The following SH3TC2 variants were observed in gnomAD, a reference collection of about 807,000 sequenced individuals.
SH3TC2 encodes the protein SH3 domain and tetratricopeptide repeats 2, also known as SH3 domain and tetratricopeptide repeat-containing protein 2.
In SH3TC2, 87 loss-of-function variants were observed where a neutral mutation model predicts 124.5. That is an observed-to-expected ratio of 0.70 (90% CI 0.59 to 0.84). The LOEUF (loss-of-function observed/expected upper bound fraction) is 0.84, where lower values mean the gene tolerates loss of function less well. Among genes scored for constraint, SH3TC2 ranks in the 40% least tolerant of loss-of-function variants. The pLI is 0.00. For missense variants in SH3TC2, 1,536 were observed against 1,566.4 expected, an observed-to-expected ratio of 0.98 and a Z score of 0.33; for synonymous variants, 634 against 628.5, an observed-to-expected ratio of 1.01 and a Z score of -0.13.
intron 16 of SH3TC2, chr5:149,006,385 T>C (rs1353370571): frequency 5.6e-6 from 1 of 178,590 alleles, no homozygotes; most frequent in Non-Finnish European, 1.2e-5. Context: ...CTCAAACATG[T>C]TAATATGCAC....
chr5:149,027,234 G>C lies in SH3TC2; in HGVS notation c.2498C>G (p.Thr833Ser), dbSNP rs765560277. The change falls in exon 11 of 17, where the codon ACT becomes AGT. Residue 833 changes from threonine (T) to serine (S), a missense_variant. Transcript: ENST00000515425. ...GAGGTTATAGATGACTCCCCTTTGA[G>C]TGAGACTCTCTGTCTCCTTCAGGGA... ...LCSLKETESL[T>S]QRGVIYNLLG... 6.2e-7 allele frequency: 1 copy of C among 1,614,212 alleles called. No individual in the cohort carries two copies. The highest frequency in any genetic ancestry group is 8.5e-7 in the Non-Finnish European group (1 of 1,180,052).
At chr5:149,043,702 C>T (rs1352900995) in intron 4 of SH3TC2, 3 of 150,092 alleles carry the variant, frequency 2.0e-5, no homozygotes, top group African/African-American at 7.4e-5. Flanking sequence ...GTCTATGGAG[C>T]ACAGTTTGAA....
chr5:149,004,976 T>C (rs1753661713), intron 16 of SH3TC2, 74 bp from the exon 17 acceptor site: 1 of 1,556,932 alleles, frequency 6.4e-7, no homozygotes, highest in Non-Finnish European at 8.8e-7. Context: ...GAGGCTGTGC[T>C]GGCCACTCTA....
At chr5:149,059,296 C>A (rs1483174090) in intron 1 of SH3TC2, among the ~76,000 whole-genome samples, 1 of 152,036 alleles carries the variant, frequency 6.6e-6, no homozygotes, top group Non-Finnish European at 1.5e-5. Context: ...GCCATTTTCT[C>A]TACATTAACC....
Position 148,987,429 on chromosome 5 carries a change from G to T in SH3TC2, c.*17282C>A, listed in dbSNP as rs10035760. Among the ~76,000 whole-genome samples, 271 of 152,360 alleles carry T rather than the reference G, an allele frequency of 1.8e-3. No individual in the cohort carries two copies. Among genetic ancestry groups the T allele is most frequent in the African/African-American group, 6.2e-3 (258 of 41,576 alleles). ...TTGAGTATGTAAGTAAACTTGAGGA[G>T]ATAAGGTGTTGAAACTCTCCCAGGC... is the stretch of plus-strand genomic sequence containing the variant. On this transcript the variant is annotated 3_prime_UTR_variant, in exon 17 of 17. Transcript: ENST00000515425.
intron 8 of SH3TC2, 123 bp from the exon 9 acceptor site, chr5:149,031,810 T>C (rs1754199742): frequency 2.4e-6 from 3 of 1,227,446 alleles, no homozygotes. Context: ...TTCCCGCAAA[T>C]GAAATTAGAT....
rs922131852 is a variant in SH3TC2 at position 148,995,558 on chromosome 5, T to G, written c.*9153A>C. On this transcript the variant is annotated 3_prime_UTR_variant, in exon 17 of 17. Coordinates refer to ENST00000515425, the MANE Select transcript of SH3TC2 (RefSeq NM_024577.4). Reference sequence around the variant, plus strand: ...ATAAACTTTTGCTGAATACCTGCTATATATGTGAGCAGCCCTATCACCTGA... The same window carrying G: ...ATAAACTTTTGCTGAATACCTGCTAGATATGTGAGCAGCCCTATCACCTGA... Among the ~76,000 whole-genome samples the G allele has an allele frequency of 6.6e-6, 1 of 152,230 alleles. No homozygotes were observed. The highest frequency in any genetic ancestry group is 1.5e-5 in the Non-Finnish European group (1 of 68,046).
intron 13 of SH3TC2, among the ~76,000 whole-genome samples, chr5:149,012,297 G>A (rs146617289): frequency 1.9e-3 from 286 of 152,290 alleles, no homozygotes; most frequent in African/African-American, 6.1e-3. Context: ...TATAGTTAAC[G>A]GGACAAGTGA....
rs573762711 is a variant in SH3TC2, at chr5:148,988,550, C to T, written c.*16161G>A. ...GCCACCATGCTGTAAGACGGCCAAG[C>T]CACATGGAGTCGACATGGCTCACGG... On this transcript the variant is annotated 3_prime_UTR_variant, in exon 17 of 17. Coordinates refer to ENST00000515425, the MANE Select transcript of SH3TC2 (RefSeq NM_024577.4). Among the ~76,000 whole-genome samples, 2 of 152,256 alleles carry T rather than the reference C, an allele frequency of 1.3e-5. No individual in the cohort carries two copies. The highest frequency in any genetic ancestry group is 4.1e-4 in the South Asian group (2 of 4,826).
intron 12 of SH3TC2, among the ~76,000 whole-genome samples, chr5:149,020,294 C>T (rs916959827): frequency 1.3e-5 from 2 of 151,824 alleles, no homozygotes; most frequent in African/African-American, 4.8e-5. Context: ...TAATTATTAC[C>T]CCAGGGTAAC....
chr5:149,032,481 T>C (rs1486430971), intron 8 of SH3TC2, among the ~76,000 whole-genome samples: 3 of 152,200 alleles, frequency 2.0e-5, no homozygotes, highest in African/African-American at 7.2e-5. Context: ...TAGTTCTAAA[T>C]AGAGAATGTT....
chr5:148,998,174 T>A lies in SH3TC2; in HGVS notation c.*6537A>T, dbSNP rs1753541561. ...AATGTATGAGTGCATTTCTCTATGTTGTTGCATATGCACAAACATATGCAC... is the reference window on the plus strand; with the variant it reads ...AATGTATGAGTGCATTTCTCTATGTAGTTGCATATGCACAAACATATGCAC... On this transcript the variant is annotated 3_prime_UTR_variant, in exon 17 of 17. Coordinates refer to ENST00000515425, the MANE Select transcript of SH3TC2 (RefSeq NM_024577.4). 6.6e-6 allele frequency among the ~76,000 whole-genome samples: 1 copy of A among 152,348 alleles called. No individual in the cohort carries two copies. Among genetic ancestry groups the A allele is most frequent in the African/African-American group, 2.4e-5 (1 of 41,572 alleles).
In SH3TC2 at chr5:149,004,624, C is replaced by T. The variant is rs1753652933; in HGVS notation, c.*87G>A. 2.1e-6 allele frequency: 3 copies of T among 1,450,856 alleles called. No homozygotes were observed. The highest frequency in any genetic ancestry group is 2.8e-5 in the African/African-American group (2 of 71,216). 89.9% of individuals were successfully genotyped at this position (1,450,856 alleles called of 1,614,324 possible). ...GAGGGGGCTAGGCCAGGTAAGGACT[C>T]GGACCCTCCCAATGAGTATTTAAGA... On this transcript the variant is annotated 3_prime_UTR_variant, in exon 17 of 17. Transcript: ENST00000515425.
chr5:149,013,088 C>G (rs1253154779), intron 12 of SH3TC2, among the ~76,000 whole-genome samples: 1 of 152,076 alleles, frequency 6.6e-6, no homozygotes, highest in Non-Finnish European at 1.5e-5. Context: ...ATTATTATTA[C>G]TGATGCATGG....
At chr5:149,021,955 C>T (rs1318336652) in intron 12 of SH3TC2, among the ~76,000 whole-genome samples, 2 of 28,150 alleles carry the variant, frequency 7.1e-5, no homozygotes, top group Non-Finnish European at 1.0e-4. Flanking sequence ...GCTCTGTCGC[C>T]CAGGCTGGAG....
intron 1 of SH3TC2, among the ~76,000 whole-genome samples, chr5:149,057,089 A>T (rs1754661382): frequency 6.6e-6 from 1 of 152,198 alleles, no homozygotes; most frequent in African/African-American, 2.4e-5. Flanking sequence ...TGAAAAATAA[A>T]AGTTTTGTAT....
intron 13 of SH3TC2, among the ~76,000 whole-genome samples, chr5:149,010,694 A>C (rs1343343671): frequency 1.3e-5 from 2 of 152,182 alleles, no homozygotes; most frequent in African/African-American, 4.8e-5. Context: ...AGAAAAAAAA[A>C]ACTAATAATG....
intron 1 of SH3TC2, among the ~76,000 whole-genome samples, chr5:149,052,720 G>A (rs1410499587): frequency 6.6e-6 from 1 of 152,160 alleles, no homozygotes; most frequent in Non-Finnish European, 1.5e-5. Flanking sequence ...CTTAAATAGG[G>A]TCCTGTCAGG....
intron 16 of SH3TC2, among the ~76,000 whole-genome samples, chr5:149,005,393 C>A (rs1322387601): frequency 1.3e-5 from 2 of 152,192 alleles, no homozygotes; most frequent in South Asian, 2.1e-4. Flanking sequence ...GTGGGGAAAT[C>A]CCTGATGATG....
Sources: gnomAD v4.1 joint callset for allele counts (sites outside exome capture counted in the v4.1 genomes callset) on GRCh38, gnomAD v4.1.1 for gene constraint, MANE v1.5 for transcripts, NCBI Gene and HGNC (gene_info 2026-07-23, HGNC 2026-07-21) for gene names.